RALGAPA2: variants seen among roughly 807,000 people sequenced by gnomAD.
RALGAPA2 encodes Ral GTPase activating protein catalytic subunit alpha 2, also known as ral GTPase-activating protein subunit alpha-2.
Under a neutral mutation model 230.4 loss-of-function variants are expected in RALGAPA2, and 139 were observed. The observed-to-expected ratio is 0.60, with a 90% CI of 0.53 to 0.69. The LOEUF (loss-of-function observed/expected upper bound fraction) is 0.69, where lower values mean the gene tolerates loss of function less well. RALGAPA2 is among the 30% of genes least tolerant of loss of function. The pLI, the probability that RALGAPA2 is intolerant of heterozygous loss-of-function variation, is 0.00. For missense variants in RALGAPA2, 2,163 were observed against 2,276.0 expected, an observed-to-expected ratio of 0.95 and a Z score of 1.01; for synonymous variants, 847 against 837.8, an observed-to-expected ratio of 1.01 and a Z score of -0.19.
intron 37 of RALGAPA2, among the ~76,000 whole-genome samples, chr20:20,454,641 C>A (rs558996272): frequency 6.6e-6 from 1 of 152,322 alleles, no homozygotes; most frequent in Non-Finnish European, 1.5e-5. Flanking sequence ...AAGGATGCCA[C>A]AGGGGTAGTT....
intron 22 of RALGAPA2, 34 bp downstream of exon 22, chr20:20,571,814 A>G (rs369574037): frequency 6.5e-7 from 1 of 1,550,266 alleles, no homozygotes; most frequent in Non-Finnish European, 8.8e-7. Context: ...GGAAGAGGAA[A>G]TCGCAATAAA....
intron 5 of RALGAPA2, among the ~76,000 whole-genome samples, chr20:20,642,815 A>G (rs1395303241): frequency 1.3e-5 from 2 of 152,172 alleles, no homozygotes; most frequent in South Asian, 2.1e-4. Flanking sequence ...GTTTAAGCCA[A>G]TGTAAACCAA....
chr20:20,589,896 A>AT (rs1555793223), intron 17 of RALGAPA2, among the ~76,000 whole-genome samples: 49 of 151,568 alleles, frequency 3.2e-4, no homozygotes, highest in African/African-American at 1.1e-3. Context: ...AAAAAAAAAA[A>AT]TTTTTTTCTA....
chr20:20,521,534 G>A (rs1442479002), intron 30 of RALGAPA2, among the ~76,000 whole-genome samples: 4 of 152,020 alleles, frequency 2.6e-5, no homozygotes, highest in Non-Finnish European at 1.5e-5. Context: ...AACTCATGAC[G>A]CCATAAATTG....
chr20:20,402,809 C>T (rs1211708955), intron 38 of RALGAPA2, among the ~76,000 whole-genome samples: 1 of 152,212 alleles, frequency 6.6e-6, no homozygotes, highest in Non-Finnish European at 1.5e-5. Context: ...CATATCACAG[C>T]ACTCTGCTGC....
At chr20:20,394,548 G>C (rs2059666625) in intron 39 of RALGAPA2, among the ~76,000 whole-genome samples, 1 of 152,072 alleles carries the variant, frequency 6.6e-6, no homozygotes, top group Non-Finnish European at 1.5e-5. Context: ...GCTGAGGTGA[G>C]AGGATTTTGA....
chr20:20,637,604 T>C (rs1850518929), intron 7 of RALGAPA2, 103 bp from the exon 8 acceptor site: 1 of 1,032,544 alleles, frequency 9.7e-7, no homozygotes, highest in South Asian at 1.8e-5. Context: ...AACCTAAATG[T>C]AAAAAATGAC....
chr20:20,642,161 G>C (rs1399964838), intron 5 of RALGAPA2, among the ~76,000 whole-genome samples: 1 of 123,720 alleles, frequency 8.1e-6, no homozygotes, highest in East Asian at 2.6e-4. Flanking sequence ...GGGGAGGGGA[G>C]GGGAGGGGAG....
At chr20:20,506,283 A>G (rs1212786310) in intron 33 of RALGAPA2, among the ~76,000 whole-genome samples, 1 of 152,004 alleles carries the variant, frequency 6.6e-6, no homozygotes, top group Non-Finnish European at 1.5e-5. Flanking sequence ...AAGCCCTGCC[A>G]TTTTCTCTTT....
intron 31 of RALGAPA2, among the ~76,000 whole-genome samples, chr20:20,515,019 G>A (rs1275791564): frequency 6.6e-6 from 1 of 152,182 alleles, no homozygotes; most frequent in Admixed American, 6.5e-5. Context: ...CAACACCAGG[G>A]GAGCTGTAAA....
At chr20:20,404,098 G>A (rs112497893) in intron 38 of RALGAPA2, among the ~76,000 whole-genome samples, 24 of 126,036 alleles carry the variant, frequency 1.9e-4, no homozygotes, top group African/African-American at 7.5e-4. Flanking sequence ...TCTTGAAGTG[G>A]CCACAAAATA....
chr20:20,491,988 C>T lies in RALGAPA2; in HGVS notation c.5367+3129G>A, dbSNP rs559672451. Reference sequence around the variant, plus strand: ...GTGTATTATTAAGAGGAGGCGGATTCTGCCAGGCACATAATTTGTATATTT... The same window carrying T: ...GTGTATTATTAAGAGGAGGCGGATTTTGCCAGGCACATAATTTGTATATTT... On this transcript the variant is annotated intron_variant, in intron 36 of 39. Coordinates refer to ENST00000202677, the MANE Select transcript of RALGAPA2 (RefSeq NM_020343.4). Among the ~76,000 whole-genome samples, 262 of 152,244 alleles carry T rather than the reference C, an allele frequency of 1.7e-3. 1 individual carries two copies. Among genetic ancestry groups the T allele is most frequent in the South Asian group, 3.5e-3 (17 of 4,826 alleles).
chr20:20,628,723 G>A (rs1167294054), intron 10 of RALGAPA2, among the ~76,000 whole-genome samples: 1 of 152,132 alleles, frequency 6.6e-6, no homozygotes, highest in Non-Finnish European at 1.5e-5. Context: ...ATGTCCCCTA[G>A]GGAGTAGCAT....
chr20:20,489,046 C>T (rs1053919532), intron 36 of RALGAPA2, among the ~76,000 whole-genome samples: 3 of 152,156 alleles, frequency 2.0e-5, no homozygotes, highest in African/African-American at 2.4e-5. Context: ...GGAAGGGTGA[C>T]GGGAGTGGCC....
intron 37 of RALGAPA2, among the ~76,000 whole-genome samples, chr20:20,438,646 A>C (rs1432651311): frequency 3.3e-5 from 5 of 152,236 alleles, no homozygotes; most frequent in Non-Finnish European, 7.3e-5. Flanking sequence ...CACGCACGCC[A>C]ACTGTCCAAT....
At chr20:20,406,825 T>C (rs1336302405) in intron 38 of RALGAPA2, among the ~76,000 whole-genome samples, 1 of 152,178 alleles carries the variant, frequency 6.6e-6, no homozygotes, top group East Asian at 1.9e-4. Flanking sequence ...GGCTAGAGGA[T>C]TGCTCGAGCC....
At position 20,605,451 on chromosome 20, in the gene RALGAPA2, C is replaced by T. The variant is rs1025647137; in HGVS notation, c.1801-39G>A. 3.5e-6 allele frequency: 5 copies of T among 1,437,796 alleles called. No individual in the cohort carries two copies. The African/African-American group carries it at 5.7e-5, about 16-fold the overall frequency. The allele number at this position is 1,437,796 out of a possible 1,614,324, so 89.1% of individuals were successfully genotyped here. A position where few individuals can be genotyped will look rare whatever the true frequency, so the allele number is the denominator to read the frequency against. ...ACCAACAAGAGAATTCACACATCTT[C>T]ATTTGGAAAAAGCATACTTTTAAAC... On this transcript the variant is annotated intron_variant, in intron 14 of 39. Coordinates refer to ENST00000202677, the MANE Select transcript of RALGAPA2 (RefSeq NM_020343.4).
intron 1 of RALGAPA2, among the ~76,000 whole-genome samples, chr20:20,691,953 ATT>A (rs1448360632): frequency 3.9e-5 from 6 of 152,100 alleles, no homozygotes; most frequent in Non-Finnish European, 1.5e-5. Context: ...TGAGTTCTCT[ATT>A]AGTTCCCATG....
At chr20:20,431,303 A>G (rs572301292) in intron 37 of RALGAPA2, among the ~76,000 whole-genome samples, 1 of 152,336 alleles carries the variant, frequency 6.6e-6, no homozygotes, top group African/African-American at 2.4e-5. Context: ...GAGGGTAGAC[A>G]GCAGGCTGAC....
Sources: allele counts gnomAD v4.1 joint callset (sites outside exome capture counted in the v4.1 genomes callset), GRCh38; gene constraint gnomAD v4.1.1; transcripts MANE v1.5; gene names NCBI Gene and HGNC (gene_info 2026-07-23, HGNC 2026-07-21).